Variants in ZNF782 observed in about 807,000 individuals in gnomAD.
ZNF782 encodes the protein zinc finger protein 782.
A neutral mutation model predicts 13.0 loss-of-function variants in ZNF782; 12 were observed. The ratio of observed to expected loss-of-function variants is 0.92; its 90% CI spans 0.59 to 1.50. ZNF782 has a LOEUF of 1.50. Ranked by LOEUF, ZNF782 falls within the 40% of genes most tolerant of loss-of-function variation. The probability of loss-of-function intolerance (pLI) is 0.00; values close to 1 mark genes in which losing one functional copy is unlikely to be tolerated. For synonymous variants in ZNF782, 284 were observed against 283.0 expected (o/e 1.00, Z -0.04); for missense variants, 770 against 822.9 (o/e 0.94, Z 0.79).
chr9:96,874,624 A>G (rs1216195958), intron 1 of ZNF782, among the ~76,000 whole-genome samples: 2 of 152,098 alleles, frequency 1.3e-5, no homozygotes, highest in African/African-American at 4.8e-5. Flanking sequence ...TGGCGGGTGG[A>G]TCAAGCACTG....
upstream of ZNF782, among the ~76,000 whole-genome samples, chr9:96,855,693 C>T (rs1010623791): frequency 1.3e-5 from 2 of 152,182 alleles, no homozygotes; most frequent in African/African-American, 2.4e-5. Context: ...TTTTTGCAAT[C>T]GCAAATTGTG....
chr9:96,858,766 C>T (rs918291106), upstream of ZNF782, among the ~76,000 whole-genome samples: 1 of 152,172 alleles, frequency 6.6e-6, no homozygotes, highest in Non-Finnish European at 1.5e-5. This position sits in a 1 kb window ranked among gnomAD's most constrained non-coding sequence, Gnocchi z 4.4. Flanking sequence ...TGTATGCAGC[C>T]ACAGAAGTGG....
chr9:96,912,281 T>G, the ZNF782 span, among the ~76,000 whole-genome samples: 4 of 147,692 alleles, frequency 2.7e-5, no homozygotes, highest in Non-Finnish European at 6.0e-5. Flanking sequence ...CCTTTTTTTT[T>G]TCTGGGAGGC....
intron 1 of ZNF782, among the ~76,000 whole-genome samples, chr9:96,868,281 T>G (rs1003540786): frequency 6.6e-6 from 1 of 152,232 alleles, no homozygotes; most frequent in Admixed American, 6.5e-5. Flanking sequence ...CTGAAAACTT[T>G]CCTGTATTTT....
chr9:96,831,641 A>T (rs1850803703), intron 4 of ZNF782, among the ~76,000 whole-genome samples: 2 of 151,288 alleles, frequency 1.3e-5, no homozygotes, highest in African/African-American at 2.4e-5. Flanking sequence ...TGAACCCAGG[A>T]GGTGGAGGTT....
the ZNF782 span, among the ~76,000 whole-genome samples, chr9:96,912,128 G>A: frequency 6.8e-6 from 1 of 147,638 alleles, no homozygotes; most frequent in Non-Finnish European, 1.5e-5. Context: ...TTCAACCCGG[G>A]AGTCGGAGGT....
At chr9:96,837,769 AC>A (rs1851047597) in intron 4 of ZNF782, among the ~76,000 whole-genome samples, 1 of 151,998 alleles carries the variant, frequency 6.6e-6, no homozygotes, top group African/African-American at 2.4e-5. Context: ...TGATTTTTTG[AC>A]CCCTTGGTAG....
At chr9:96,931,489 C>T in the ZNF782 span, among the ~76,000 whole-genome samples, 8,694 of 151,374 alleles carry the variant, frequency 0.057, 721 homozygotes, top group African/African-American at 0.19. Flanking sequence ...AAAGGCTTGG[C>T]TGTTTCTTCT....
Position 96,816,829 on chromosome 9 carries a change from T to C in ZNF782, c.*1094A>G, listed in dbSNP as rs1296344330. The C allele has an allele frequency of 6.6e-6, 1 of 152,226 alleles. No individual in the cohort carries two copies. Among genetic ancestry groups the C allele is most frequent in the African/African-American group, 2.4e-5 (1 of 41,466 alleles). 9.4% of individuals were successfully genotyped at this position (152,226 alleles called of 1,614,324 possible). On this transcript the variant is annotated 3_prime_UTR_variant, in exon 6 of 6. Transcript: ENST00000481138. The stretch of plus-strand genomic sequence containing the variant: ...ATTACCTGTCTGATGAGGAAGACTT[T>C]GGGGATAAAAGCCATGGTCATTCAG...
At chr9:96,879,438 G>C (rs1851935972), upstream of ZNF782, among the ~76,000 whole-genome samples, 1 of 152,236 alleles carries the variant, frequency 6.6e-6, no homozygotes, top group South Asian at 2.1e-4. Context: ...AGAAGGCAGA[G>C]CTTGCGGTGA....
At chr9:96,877,387 T>C (rs527653332), upstream of ZNF782, among the ~76,000 whole-genome samples, 5 of 152,174 alleles carry the variant, frequency 3.3e-5, no homozygotes, top group Non-Finnish European at 7.4e-5. Flanking sequence ...GACCTCTGAA[T>C]CTTGGCGGGG....
the ZNF782 span, among the ~76,000 whole-genome samples, chr9:96,923,056 ATCTC>A: frequency 1.4e-5 from 2 of 146,496 alleles, no homozygotes; most frequent in African/African-American, 2.5e-5. Context: ...ACAGAACCCC[ATCTC>A]TCTATCAGAG....
upstream of ZNF782, among the ~76,000 whole-genome samples, chr9:96,859,246 G>A (rs117445343): frequency 2.3e-3 from 347 of 152,316 alleles, 15 homozygotes; most frequent in East Asian, 0.051. Context: ...GCTGTGCCGC[G>A]CTTGGAGCCA....
At chr9:96,839,663 C>A (rs563897431) in intron 4 of ZNF782, among the ~76,000 whole-genome samples, 9 of 152,084 alleles carry the variant, frequency 5.9e-5, no homozygotes, top group Middle Eastern at 3.4e-3. Context: ...ATCACTCACC[C>A]CCCCCACCTG....
At chr9:96,855,020 G>C (rs1470512218), upstream of ZNF782, among the ~76,000 whole-genome samples, 1 of 152,054 alleles carries the variant, frequency 6.6e-6, no homozygotes, top group Non-Finnish European at 1.5e-5. Flanking sequence ...CCTCCACCTT[G>C]TCTCTTTACA....
chr9:96,848,310 C>T (rs895690393), intron 3 of ZNF782, among the ~76,000 whole-genome samples: 1 of 151,856 alleles, frequency 6.6e-6, no homozygotes, highest in African/African-American at 2.4e-5. Flanking sequence ...GAAGTCCTAG[C>T]CAGAGCAATT....
At chr9:96,821,982 C>T (rs908234830) in intron 5 of ZNF782, among the ~76,000 whole-genome samples, 5 of 152,170 alleles carry the variant, frequency 3.3e-5, no homozygotes, top group Admixed American at 2.6e-4. Context: ...ACTTTTTAAT[C>T]AACAGCATTA....
chr9:96,897,442 A>G, the ZNF782 span, among the ~76,000 whole-genome samples: 5 of 152,196 alleles, frequency 3.3e-5, no homozygotes, highest in African/African-American at 1.2e-4. Flanking sequence ...ATGGAGAATC[A>G]GCACTCTTCT....
At chr9:96,901,231 T>C in the ZNF782 span, among the ~76,000 whole-genome samples, 5 of 151,622 alleles carry the variant, frequency 3.3e-5, no homozygotes, top group South Asian at 2.1e-4. Context: ...ATTACTCTCA[T>C]ATGATGAAAA....
Sources: allele counts gnomAD v4.1 joint callset (sites outside exome capture counted in the v4.1 genomes callset), GRCh38; gene constraint gnomAD v4.1.1; non-coding constraint Gnocchi (gnomAD v3.1); transcripts MANE v1.5; gene names NCBI Gene and HGNC (gene_info 2026-07-23, HGNC 2026-07-21).